Variants in CHGA observed in about 807,000 individuals in gnomAD.
CHGA encodes chromogranin A, also known as chromogranin-A.
In CHGA, 41 loss-of-function variants were observed where a neutral mutation model predicts 54.4. That is an observed-to-expected ratio of 0.75 (90% CI 0.59 to 0.98). The LOEUF (loss-of-function observed/expected upper bound fraction) is 0.98, where lower values mean the gene tolerates loss of function less well. CHGA is among the 50% of genes least tolerant of loss of function. CHGA has a pLI of 0.00. For synonymous variants in CHGA, 249 were observed against 232.8 expected, an observed-to-expected ratio of 1.07 and a Z score of -0.63; for missense variants, 576 against 582.3, an observed-to-expected ratio of 0.99 and a Z score of 0.11.
At position 92,927,531 on chromosome 14, in the gene CHGA, T is replaced by C. The variant is rs1246876452; in HGVS notation, c.188-19T>C. 3 of 1,605,790 alleles carry C rather than the reference T, an allele frequency of 1.9e-6. No homozygotes were observed. The highest frequency in any genetic ancestry group is 2.6e-6 in the Non-Finnish European group (3 of 1,174,398). On this transcript the variant is annotated intron_variant, in intron 3 of 7. Transcript: ENST00000216492. ...GCTGTTCTCTGGAAACCACCCATGA[T>C]GACTCTTCTTCATTGCAGATGAACG... is the stretch of plus-strand genomic sequence containing the variant.
intron 5 of CHGA, among the ~76,000 whole-genome samples, chr14:92,930,300 G>C (rs1463328347): frequency 6.6e-6 from 1 of 152,260 alleles, no homozygotes; most frequent in Non-Finnish European, 1.5e-5. Context: ...GAGTCTAAGA[G>C]GTCATGCCTT....
intron 1 of CHGA, among the ~76,000 whole-genome samples, 162 bp downstream of exon 1, chr14:92,923,567 G>C (rs191641003): frequency 9.7e-4 from 148 of 152,322 alleles, no homozygotes; most frequent in African/African-American, 3.4e-3. Context: ...TGACCCTGCA[G>C]TGTGGCCTCC....
At chr14:92,929,882 G>A (rs2139671615) in intron 5 of CHGA, 67 bp downstream of exon 5, 1 of 1,305,684 alleles carries the variant, frequency 7.7e-7, no homozygotes, top group Non-Finnish European at 1.1e-6. Context: ...TGGCTATGAT[G>A]GACCCAGGGT....
At chr14:92,929,149 A>G (rs1414970783) in intron 4 of CHGA, among the ~76,000 whole-genome samples, 1 of 152,242 alleles carries the variant, frequency 6.6e-6, no homozygotes, top group Non-Finnish European at 1.5e-5. Context: ...TCTCTGGGTC[A>G]TGGCTGCAGG....
chr14:92,931,474 T>C lies in CHGA; in HGVS notation c.580T>C (p.Tyr194His). 6.2e-7 allele frequency: 1 copy of C among 1,609,734 alleles called. No homozygotes were observed. The highest frequency in any genetic ancestry group is 8.5e-7 in the Non-Finnish European group (1 of 1,178,946). The change falls in exon 6 of 8, where the codon TAC (tyrosine) becomes CAC (histidine). Residue 194 changes from tyrosine to histidine, a missense_variant. Tyr to His is a moderately conservative substitution (Grantham distance 83). Transcript: ENST00000216492. ...HPPASLPSQKYPGPQAEGDSE... is the reference protein window; with the variant it reads ...HPPASLPSQKHPGPQAEGDSE... The stretch of plus-strand genomic sequence containing the variant: ...TCCAGCCAGCCTCCCCAGCCAGAAA[T>C]ACCCAGGCCCACAGGCCGAGGGGGA...
At chr14:92,923,135 G>A (rs1190334200), upstream of CHGA, 6 of 342,128 alleles carry the variant, frequency 1.8e-5, no homozygotes, top group African/African-American at 1.3e-4. Flanking sequence ...AGCGGGGCGC[G>A]AGGGCGCTGC....
At chr14:92,927,287 C>A (rs1886904938) in intron 3 of CHGA, among the ~76,000 whole-genome samples, 2 of 152,206 alleles carry the variant, frequency 1.3e-5, no homozygotes, top group South Asian at 4.1e-4. Context: ...AAAGAGACCC[C>A]ACTCATCCTC....
rs894786708 is a variant in CHGA at position 92,923,343 on chromosome 14, C to T, written c.-17C>T. On this transcript the variant is annotated 5_prime_UTR_variant, in exon 1 of 8. Coordinates refer to ENST00000216492, the MANE Select transcript of CHGA (RefSeq NM_001275.4). ...GCCCGGCCCCACACCGCCAGCTGCT[C>T]GGCGCCCGGGTCCGCCATGCGCTCC... The T allele has an allele frequency of 7.6e-7, 1 of 1,322,474 alleles. No individual in the cohort carries two copies. The highest frequency in any genetic ancestry group is 9.6e-7 in the Non-Finnish European group (1 of 1,039,020). 81.9% of individuals were successfully genotyped at this position (1,322,474 alleles called of 1,614,324 possible).
intron 1 of CHGA, among the ~76,000 whole-genome samples, chr14:92,923,861 C>T (rs533487132): frequency 7.6e-4 from 116 of 152,112 alleles, no homozygotes; most frequent in African/African-American, 2.5e-3. Flanking sequence ...CCGCCCCCCC[C>T]ACCTCTGGGG....
chr14:92,929,733 A>G lies in CHGA; in HGVS notation c.273A>G (p.Ala91=). ...DLALQGAKER[A]HQQKKHSGFE... ...TCATACCAGGCGCCAAGGAGAGGGCACATCAGCAGAAGAAACACAGCGGTT... is the reference window on the plus strand; with the variant it reads ...TCATACCAGGCGCCAAGGAGAGGGCGCATCAGCAGAAGAAACACAGCGGTT... The change falls in exon 5 of 8, where the codon GCA becomes GCG. Residue 91 remains alanine (A), a synonymous_variant. Transcript: ENST00000216492. 6.2e-7 allele frequency: 1 copy of G among 1,614,004 alleles called. No homozygotes were observed. The highest frequency in any genetic ancestry group is 8.5e-7 in the Non-Finnish European group (1 of 1,180,006).
Position 92,924,206 on chromosome 14 carries a change from G to A in CHGA, c.54G>A (p.Ala18=), listed in dbSNP as rs9658640. Residue 18 remains alanine, a synonymous_variant, in exon 2 of 8, where the codon GCG becomes GCA. Transcript: ENST00000216492. ...CTCTCTTCTTCTTCCCAGTCACTGC[G>A]CTCCCTGTGAACAGCCCTATGAATA... is the stretch of plus-strand genomic sequence containing the variant. ...ALLLCAGQVT[A]LPVNSPMNKG... is the part of the protein sequence containing the mutation. The A allele has an allele frequency of 3.1e-6, 5 of 1,612,162 alleles. No individual in the cohort carries two copies. The highest frequency in any genetic ancestry group is 2.7e-5 in the African/African-American group (2 of 74,900).
intron 6 of CHGA, 72 bp downstream of exon 6, chr14:92,931,774 A>G: frequency 7.1e-7 from 1 of 1,401,832 alleles, no homozygotes; most frequent in South Asian, 1.4e-5. Context: ...AGCCTTCTCC[A>G]TAACCTCATT....
rs903335444 is a variant in CHGA at position 92,934,531 on chromosome 14, C to T, written c.1291-270C>T. On this transcript the variant is annotated intron_variant, in intron 7 of 7. Transcript: ENST00000216492. The stretch of plus-strand genomic sequence containing the variant: ...CTAAAAGAACAGACTCCCACCTGTG[C>T]GGAACCATTTGAGAGGAAGTGGGGC... Among the ~76,000 whole-genome samples the T allele has an allele frequency of 8.5e-5, 13 of 152,270 alleles. No homozygotes were observed. In the East Asian group the frequency reaches 9.7e-4, roughly 11 times the overall value.
rs575865271 is a variant in CHGA at position 92,931,396 on chromosome 14, C to A, written c.502C>A (p.Gln168Lys). ...GGAGTCCAAGGCTGAGGGGAACAAT[C>A]AGGCCCCTGGGGAGGAAGAGGAGGA... ...MQESKAEGNN[Q>K]APGEEEEEEE... The change falls in exon 6 of 8, where the codon CAG becomes AAG. Residue 168 changes from glutamine (Q) to lysine (K), a missense_variant. Coordinates refer to ENST00000216492, the MANE Select transcript of CHGA (RefSeq NM_001275.4). 1 of 1,612,256 alleles carries A rather than the reference C, an allele frequency of 6.2e-7. No individual in the cohort carries two copies. The highest frequency in any genetic ancestry group is 1.3e-5 in the African/African-American group (1 of 75,056).
chr14:92,926,763 T>A, intron 3 of CHGA, 65 bp downstream of exon 3: 1 of 1,350,502 alleles, frequency 7.4e-7, no homozygotes, highest in Non-Finnish European at 1.1e-6. Context: ...GACATGGGTG[T>A]GTGGCTTTTG....
Position 92,932,360 on chromosome 14 carries a change from C to A in CHGA, c.809-10C>A. On this transcript the variant is annotated splice_polypyrimidine_tract_variant and intron_variant, in intron 6 of 7. Coordinates refer to ENST00000216492, the MANE Select transcript of CHGA (RefSeq NM_001275.4). The surrounding 1 kb of genome is among the most constrained non-coding windows in gnomAD (Gnocchi z 5.3). ...CCCATTCTCCTGCTCTTGCCCACCA[C>A]CTGCTCCAGGTCGGTCGGAGGCTCT... is the stretch of plus-strand genomic sequence containing the variant. The A allele has an allele frequency of 6.4e-7, 1 of 1,570,718 alleles. No individual in the cohort carries two copies. Among genetic ancestry groups the A allele is most frequent in the Non-Finnish European group, 8.6e-7 (1 of 1,157,832 alleles).
intron 7 of CHGA, 119 bp from the exon 8 acceptor site, chr14:92,934,682 T>C: frequency 1.4e-6 from 1 of 705,052 alleles, no homozygotes. Context: ...TGGATGAGGG[T>C]ACAGAGAGAC....
intron 5 of CHGA, among the ~76,000 whole-genome samples, chr14:92,930,346 C>T (rs375478543): frequency 6.6e-6 from 1 of 152,226 alleles, no homozygotes; most frequent in African/African-American, 2.4e-5. Flanking sequence ...CCTCCCTTCC[C>T]GGGGAGAGCC....
rs375188329 is a variant in CHGA at position 92,935,269 on chromosome 14, T to C, written c.*385T>C. On this transcript the variant is annotated 3_prime_UTR_variant, in exon 8 of 8. Coordinates refer to ENST00000216492, the MANE Select transcript of CHGA (RefSeq NM_001275.4). ...TGAACTTTATCTAAAGAAAAATAAA[T>C]CTGTTCTGGGCTCTTTCCTCTGAAT... 4.7e-4 allele frequency: 88 copies of C among 188,494 alleles called. 1 individual carries two copies. Among genetic ancestry groups the C allele is most frequent in the Admixed American group, 9.5e-4 (15 of 15,844 alleles). 11.7% of individuals were successfully genotyped at this position (188,494 alleles called of 1,614,324 possible). A position where few individuals can be genotyped will look rare whatever the true frequency, so the allele number is the denominator to read the frequency against.
Sources: allele counts gnomAD v4.1 joint callset (sites outside exome capture counted in the v4.1 genomes callset), GRCh38; gene constraint gnomAD v4.1.1; non-coding constraint Gnocchi (gnomAD v3.1); transcripts MANE v1.5; gene names NCBI Gene and HGNC (gene_info 2026-07-23, HGNC 2026-07-21).